The following WBP11 variants were observed in gnomAD, a reference collection of about 807,000 sequenced individuals.
The protein encoded by WBP11 is WW domain binding protein 11.
In WBP11, 12 loss-of-function variants were observed where a neutral mutation model predicts 66.7. The observed-to-expected ratio is 0.18, with a 90% CI of 0.12 to 0.29. WBP11 has a LOEUF of 0.29. WBP11 is among the 10% of genes least tolerant of loss of function. The pLI, the probability that WBP11 is intolerant of heterozygous loss-of-function variation, is 1.00. For missense variants in WBP11, 555 were observed against 818.3 expected, an observed-to-expected ratio of 0.68 and a Z score of 3.93; for synonymous variants, 255 against 273.8, an observed-to-expected ratio of 0.93 and a Z score of 0.68.
chr12:14,803,024 C>T (rs895798871), intron 1 of WBP11, among the ~76,000 whole-genome samples: 3 of 152,194 alleles, frequency 2.0e-5, no homozygotes, highest in Non-Finnish European at 4.4e-5. Flanking sequence ...GGATAGGGTC[C>T]AGGTTCACCA....
At chr12:14,797,702 CCT>C (rs1171127620) in intron 4 of WBP11, among the ~76,000 whole-genome samples, 7 of 152,152 alleles carry the variant, frequency 4.6e-5, no homozygotes, top group African/African-American at 1.4e-4. Context: ...CAGAACATTC[CCT>C]GAGATTTTAA....
At position 14,790,766 on chromosome 12, in the gene WBP11, A is replaced by G. The variant is rs199679239; in HGVS notation, c.1016-17T>C. 1 of 1,605,286 alleles carries G rather than the reference A, an allele frequency of 6.2e-7. No individual in the cohort carries two copies. The highest frequency in any genetic ancestry group is 1.3e-5 in the African/African-American group (1 of 74,756). On this transcript the variant is annotated splice_polypyrimidine_tract_variant and intron_variant, in intron 9 of 11. Coordinates refer to ENST00000261167, the MANE Select transcript of WBP11 (RefSeq NM_016312.3). Reference sequence around the variant, plus strand: ...TTTCTTGACCTGAAAGAAATTTTAAACCCAGTAAATGGAGTTGATTCATTT... The same window carrying G: ...TTTCTTGACCTGAAAGAAATTTTAAGCCCAGTAAATGGAGTTGATTCATTT...
Position 14,794,569 on chromosome 12 carries a change from C to T in WBP11, c.689G>A (p.Arg230Gln), listed in dbSNP as rs780639587. Residue 230 changes from arginine to glutamine, a missense_variant, in exon 7 of 12, where the codon CGA becomes CAA. By Grantham distance (43) the Arg-to-Gln change is conservative. This residue lies in a region of WBP11 where 220 missense variants were observed against 268.2 expected (regional missense o/e 0.82). Coordinates refer to ENST00000261167, the MANE Select transcript of WBP11 (RefSeq NM_016312.3). ...AGGACTATATAACATGTCTTCATCT[C>T]GCCTACGAGGGGGAAGATCTAGGGC... ...GFALDLPPRR[R>Q]DEDMLYSPEL... 9.3e-6 allele frequency: 15 copies of T among 1,614,012 alleles called. No individual in the cohort carries two copies. The highest frequency in any genetic ancestry group is 6.6e-5 in the South Asian group (6 of 91,076).
At chr12:14,800,667 A>C (rs985264962) in intron 3 of WBP11, 85 bp downstream of exon 3, 39 of 1,237,512 alleles carry the variant, frequency 3.2e-5, no homozygotes, top group Non-Finnish European at 3.8e-5. Context: ...AATATTAGAA[A>C]TGTTATTCTG....
chr12:14,790,829 T>C, intron 9 of WBP11, 80 bp from the exon 10 acceptor site: 1 of 1,342,998 alleles, frequency 7.4e-7, no homozygotes, highest in Non-Finnish European at 1.0e-6. Flanking sequence ...TGAATACACA[T>C]GGTTAATAAA....
chr12:14,795,571 A>C (rs1394045245), intron 5 of WBP11, among the ~76,000 whole-genome samples: 2 of 151,994 alleles, frequency 1.3e-5, no homozygotes, highest in Admixed American at 6.5e-5. Context: ...CTCTAATAAA[A>C]CTACAAAAAT....
rs1471779829 is a variant in WBP11, at chr12:14,785,409, T to A, written c.*1656A>T. 6.6e-6 allele frequency: 1 copy of A among 152,210 alleles called. No individual in the cohort carries two copies. Among genetic ancestry groups the A allele is most frequent in the Admixed American group, 6.5e-5 (1 of 15,278 alleles). 9.4% of individuals were successfully genotyped at this position (152,210 alleles called of 1,614,324 possible). A position where few individuals can be genotyped will look rare whatever the true frequency, so the allele number is the denominator to read the frequency against. On this transcript the variant is annotated 3_prime_UTR_variant, in exon 12 of 12. Coordinates refer to ENST00000261167, the MANE Select transcript of WBP11 (RefSeq NM_016312.3). ...ACAATATTGATACCATATGGTTTGA[T>A]CCTTGATATCCGTAAGTTATCAAGG... is the stretch of plus-strand genomic sequence containing the variant.
intron 5 of WBP11, 38 bp from the exon 6 acceptor site, chr12:14,795,142 T>G: frequency 6.6e-7 from 1 of 1,515,972 alleles, no homozygotes. Flanking sequence ...GATAAAAAAG[T>G]CATCTACTAA....
In WBP11 at chr12:14,796,880, T is replaced by C. The variant is rs774792433; in HGVS notation, c.314A>G (p.Lys105Arg). 3.1e-6 allele frequency: 5 copies of C among 1,612,802 alleles called. No individual in the cohort carries two copies. The highest frequency in any genetic ancestry group is 4.2e-6 in the Non-Finnish European group (5 of 1,179,550). The change falls in exon 5 of 12, where the codon AAA (lysine) becomes AGA (arginine). Residue 105 changes from lysine (K) to arginine (R), a missense_variant. This residue lies in a region of WBP11 where 43 missense variants were observed against 142.1 expected (regional missense o/e 0.30). Transcript: ENST00000261167. This position sits in a 1 kb window ranked among gnomAD's most constrained non-coding sequence, Gnocchi z 4.5. Reference sequence around the variant, plus strand: ...TTCTACTTCTAGCTTTCTCAATTCTTTGTAAATATCTGGATTCTCTTTTTC... The same window carrying C: ...TTCTACTTCTAGCTTTCTCAATTCTCTGTAAATATCTGGATTCTCTTTTTC... ...LYEKENPDIY[K>R]ELRKLEVEYE...
At chr12:14,792,131 CAAA>C (rs1228804556) in intron 8 of WBP11, among the ~76,000 whole-genome samples, 13 of 151,654 alleles carry the variant, frequency 8.6e-5, no homozygotes, top group Non-Finnish European at 1.5e-4. Flanking sequence ...CAAAAACTAT[CAAA>C]ATTAAAATTT....
At chr12:14,802,977 C>T (rs192819599) in intron 1 of WBP11, among the ~76,000 whole-genome samples, 2 of 152,236 alleles carry the variant, frequency 1.3e-5, no homozygotes, top group East Asian at 3.9e-4. Flanking sequence ...GCCAAATAAG[C>T]GTTGGATAAC....
intron 4 of WBP11, among the ~76,000 whole-genome samples, chr12:14,797,492 T>C (rs1157557875): frequency 6.6e-6 from 1 of 152,196 alleles, no homozygotes; most frequent in Non-Finnish European, 1.5e-5. Context: ...ACTATAATCT[T>C]TATAACAGAT....
Position 14,786,989 on chromosome 12 carries a change from C to T in WBP11, c.*76G>A, listed in dbSNP as rs1949760784. 2 of 1,380,972 alleles carry T rather than the reference C, an allele frequency of 1.4e-6. No individual in the cohort carries two copies. The highest frequency in any genetic ancestry group is 2.9e-5 in the African/African-American group (2 of 68,598). 85.5% of individuals were successfully genotyped at this position (1,380,972 alleles called of 1,614,324 possible). ...ACCCTGACAATGGAAGCAGCTCTTT[C>T]ATCTAAGTTTAATAAGAGCCTCTTT... On this transcript the variant is annotated 3_prime_UTR_variant, in exon 12 of 12. Coordinates refer to ENST00000261167, the MANE Select transcript of WBP11 (RefSeq NM_016312.3).
At chr12:14,801,037 C>T (rs1170272578) in intron 2 of WBP11, 15 of 457,484 alleles carry the variant, frequency 3.3e-5, no homozygotes, top group East Asian at 1.3e-4. Context: ...ACATAAAACG[C>T]GAAACAAGGG....
At chr12:14,794,417 A>T in intron 7 of WBP11, 120 bp downstream of exon 7, 1 of 1,037,368 alleles carries the variant, frequency 9.6e-7, no homozygotes, top group Non-Finnish European at 1.5e-6. Flanking sequence ...TATGTATATT[A>T]GTTATGTACA....
At chr12:14,797,067 T>G in intron 4 of WBP11, 64 bp from the exon 5 acceptor site, 1 of 1,396,068 alleles carries the variant, frequency 7.2e-7, no homozygotes, top group Non-Finnish European at 9.5e-7. Flanking sequence ...TATCAATAGG[T>G]TACATGATAA....
Position 14,791,289 on chromosome 12 carries a change from G to C in WBP11, c.914-19C>G. The C allele has an allele frequency of 6.2e-7, 1 of 1,608,582 alleles. No homozygotes were observed. Among genetic ancestry groups the C allele is most frequent in the Non-Finnish European group, 8.5e-7 (1 of 1,175,254 alleles). ...CTCAGACCTAAGGGGACAAAGGAGGGAGTGGAGTAGATTGGCATCAACAAA... is the reference window on the plus strand; with the variant it reads ...CTCAGACCTAAGGGGACAAAGGAGGCAGTGGAGTAGATTGGCATCAACAAA... On this transcript the variant is annotated intron_variant, in intron 8 of 11. Transcript: ENST00000261167.
rs1949753334 is a variant in WBP11, at chr12:14,786,240, C to T, written c.*825G>A. Reference sequence around the variant, plus strand: ...ATCTTTTAAATAATAAAAGCCAAACCATACTATTCTTAACACCTCTCAGTT... The same window carrying T: ...ATCTTTTAAATAATAAAAGCCAAACTATACTATTCTTAACACCTCTCAGTT... On this transcript the variant is annotated 3_prime_UTR_variant, in exon 12 of 12. Transcript: ENST00000261167. The T allele has an allele frequency of 6.6e-6, 1 of 152,066 alleles. No individual in the cohort carries two copies. Among genetic ancestry groups the T allele is most frequent in the Non-Finnish European group, 1.5e-5 (1 of 67,990 alleles). The allele number at this position is 152,066 out of a possible 1,614,324, so 9.4% of individuals were successfully genotyped here.
chr12:14,797,559 C>T (rs942255123), intron 4 of WBP11, among the ~76,000 whole-genome samples: 1 of 152,184 alleles, frequency 6.6e-6, no homozygotes, highest in Non-Finnish European at 1.5e-5. Flanking sequence ...AATCATGTGT[C>T]AATATGGGGC....
Sources: gnomAD v4.1 joint callset for allele counts (sites outside exome capture counted in the v4.1 genomes callset) on GRCh38, gnomAD v4.1.1 for gene constraint, gnomAD v4.1.1 regional missense constraint, Gnocchi (gnomAD v3.1) non-coding constraint, MANE v1.5 for transcripts, NCBI Gene and HGNC (gene_info 2026-07-23, HGNC 2026-07-21) for gene names.